The following UTRN variants were observed in gnomAD, a reference collection of about 807,000 sequenced individuals.
The protein encoded by UTRN is dystrophin-related protein 1.
Under a neutral mutation model 463.9 loss-of-function variants are expected in UTRN, and 283 were observed. That is an observed-to-expected ratio of 0.61 (90% confidence interval 0.55 to 0.67). The LOEUF (loss-of-function observed/expected upper bound fraction) is 0.67. Ranked by LOEUF, UTRN falls within the 30% of genes least tolerant of loss-of-function variation. The pLI, the probability that UTRN is intolerant of heterozygous loss-of-function variation, is 0.00. For missense variants in UTRN, 3,922 were observed against 4,084.3 expected, an observed-to-expected ratio of 0.96 and a Z score of 1.08; for synonymous variants, 1,442 against 1,431.5, an observed-to-expected ratio of 1.01 and a Z score of -0.17.
At chr6:144,783,408 G>T (rs1776026303) in intron 61 of UTRN, among the ~76,000 whole-genome samples, 1 of 152,106 alleles carries the variant, frequency 6.6e-6, no homozygotes, top group East Asian at 1.9e-4. Flanking sequence ...TTAGCAATGA[G>T]CTGACTAAAA....
intron 2 of UTRN, among the ~76,000 whole-genome samples, chr6:144,379,185 C>T (rs947032530): frequency 1.3e-5 from 2 of 152,166 alleles, no homozygotes; most frequent in African/African-American, 2.4e-5. Context: ...TGAAACTTAG[C>T]AGCAAATCTA....
intron 51 of UTRN, among the ~76,000 whole-genome samples, chr6:144,652,770 TG>T (rs1778946456): frequency 6.6e-6 from 1 of 152,212 alleles, no homozygotes; most frequent in Non-Finnish European, 1.5e-5. Context: ...AAAAAGGCTT[TG>T]TTCTGTCTGT....
At chr6:144,435,265 G>T (rs2114885890) in intron 9 of UTRN, among the ~76,000 whole-genome samples, 1 of 152,254 alleles carries the variant, frequency 6.6e-6, no homozygotes, top group South Asian at 2.1e-4. Context: ...AAAAGAACTA[G>T]GGAGAGTCAA....
chr6:144,416,262 A>C (rs1784356584), intron 3 of UTRN, among the ~76,000 whole-genome samples: 1 of 152,202 alleles, frequency 6.6e-6, no homozygotes. Context: ...TTAGGAAATT[A>C]CAGTTACCAG....
rs761370633 is a variant in UTRN at position 144,514,835 on chromosome 6, T to C, written c.5244+15T>C. 1 of 1,607,786 alleles carries C rather than the reference T, an allele frequency of 6.2e-7. No individual in the cohort carries two copies. The highest frequency in any genetic ancestry group is 1.1e-5 in the South Asian group (1 of 90,000). On this transcript the variant is annotated intron_variant, in intron 37 of 74. Transcript: ENST00000367545. ...AAAGTGCCAAAGTGAGTAATTATGC[T>C]TTTAGAGTAAACCATTTTTCCTATG...
intron 30 of UTRN, 27 bp downstream of exon 30, chr6:144,488,861 G>T: frequency 6.5e-7 from 1 of 1,539,354 alleles, no homozygotes; most frequent in South Asian, 1.3e-5. Context: ...GAGGGCTTTT[G>T]AGCTGTAAAG....
At chr6:144,647,041 G>A (rs150787091) in intron 51 of UTRN, among the ~76,000 whole-genome samples, 1 of 152,230 alleles carries the variant, frequency 6.6e-6, no homozygotes, top group East Asian at 1.9e-4. Context: ...AATTCCAGAA[G>A]AGAGGATAGG....
chr6:144,346,929 A>G (rs887670673), intron 2 of UTRN, among the ~76,000 whole-genome samples: 4 of 150,544 alleles, frequency 2.7e-5, no homozygotes, highest in Non-Finnish European at 5.9e-5. Flanking sequence ...ATCGATCTCT[A>G]TCTTTATCCA....
chr6:144,559,357 A>C (rs1401505357), intron 50 of UTRN, among the ~76,000 whole-genome samples: 2 of 152,094 alleles, frequency 1.3e-5, no homozygotes, highest in Admixed American at 1.3e-4. Flanking sequence ...ATTTAGATAT[A>C]TTGTTATCTA....
chr6:144,394,485 A>G (rs1251969491), intron 2 of UTRN, among the ~76,000 whole-genome samples: 1 of 152,214 alleles, frequency 6.6e-6, no homozygotes, highest in Non-Finnish European at 1.5e-5. Flanking sequence ...CATGGGAATT[A>G]TGGGAGCTAT....
At chr6:144,586,259 C>CCCCT (rs1250291055) in intron 51 of UTRN, among the ~76,000 whole-genome samples, 1 of 151,978 alleles carries the variant, frequency 6.6e-6, no homozygotes, top group African/African-American at 2.4e-5. Flanking sequence ...AAAATATACT[C>CCCCT]CCCTCCCACA....
In UTRN at chr6:144,530,999, A is replaced by G; in HGVS notation, c.5907-53A>G. The G allele has an allele frequency of 5.8e-6, 9 of 1,561,378 alleles. No homozygotes were observed. In the South Asian group the frequency reaches 8.3e-5, roughly 14 times the overall value. ...TTTTCTTTTTTAGAAAAATGGCTTT[A>G]GGCAGTCCTGGAAAATTTGGAAACC... On this transcript the variant is annotated intron_variant, in intron 41 of 74. Coordinates refer to ENST00000367545, the MANE Select transcript of UTRN (RefSeq NM_007124.3).
At chr6:144,381,024 CTTTTAT>C (rs2114736718) in intron 2 of UTRN, among the ~76,000 whole-genome samples, 1 of 149,054 alleles carries the variant, frequency 6.7e-6, no homozygotes, top group South Asian at 2.1e-4. Context: ...CTTTTTTAAA[CTTTTAT>C]TTTAAGTTAA....
At chr6:144,625,063 A>G (rs1256237979) in intron 51 of UTRN, among the ~76,000 whole-genome samples, 1 of 152,206 alleles carries the variant, frequency 6.6e-6, no homozygotes, top group Non-Finnish European at 1.5e-5. Context: ...AAGGCACTCT[A>G]ATGGCTACTA....
At chr6:144,320,712 C>CA (rs1562246071) in intron 2 of UTRN, among the ~76,000 whole-genome samples, 2 of 151,780 alleles carry the variant, frequency 1.3e-5, no homozygotes, top group Non-Finnish European at 2.9e-5. Context: ...AACCATTAAT[C>CA]AAAAAAAACT....
At chr6:144,408,887 G>C (rs1000143623) in intron 3 of UTRN, among the ~76,000 whole-genome samples, 6 of 152,206 alleles carry the variant, frequency 3.9e-5, no homozygotes, top group Admixed American at 1.3e-4. Flanking sequence ...CTTTAGTACT[G>C]TAAAGAGGCT....
chr6:144,489,989 G>T, intron 30 of UTRN, 82 bp from the exon 31 acceptor site: 1 of 1,536,572 alleles, frequency 6.5e-7, no homozygotes, highest in Non-Finnish European at 8.8e-7. Flanking sequence ...ATTACACAAC[G>T]ATATAGAACT....
At chr6:144,680,548 C>G (rs895963636) in intron 52 of UTRN, among the ~76,000 whole-genome samples, 7 of 152,100 alleles carry the variant, frequency 4.6e-5, no homozygotes, top group African/African-American at 1.7e-4. Context: ...TCAAGAGATT[C>G]AAGCACTTAT....
chr6:144,612,628 A>G (rs896449091), intron 51 of UTRN, among the ~76,000 whole-genome samples: 6 of 152,178 alleles, frequency 3.9e-5, no homozygotes, highest in Non-Finnish European at 8.8e-5. Context: ...TACTTGGGAA[A>G]TGCAAAGCAA....
Sources: allele counts gnomAD v4.1 joint callset (sites outside exome capture counted in the v4.1 genomes callset), GRCh38; gene constraint gnomAD v4.1.1; transcripts MANE v1.5; gene names NCBI Gene and HGNC (gene_info 2026-07-23, HGNC 2026-07-21).